Variants in KLF13 observed in about 807,000 individuals in gnomAD.
KLF13 encodes KLF transcription factor 13, also known as Krueppel-like factor 13.
In KLF13, 8 loss-of-function variants were observed where a neutral mutation model predicts 16.7. The ratio of observed to expected loss-of-function variants is 0.48; its 90% confidence interval spans 0.28 to 0.87. The LOEUF (loss-of-function observed/expected upper bound fraction) is 0.87. Ranked by LOEUF, KLF13 falls within the 40% of genes least tolerant of loss-of-function variation. The probability of loss-of-function intolerance (pLI) is 0.10; values close to 1 mark genes in which losing one functional copy is unlikely to be tolerated. For missense variants in KLF13, 447 were observed against 452.2 expected (o/e 0.99, Z 0.10); for synonymous variants, 245 against 208.4 (o/e 1.18, Z -1.51).
chr15:31,340,888 C>T (rs1488960805), intron 1 of KLF13, among the ~76,000 whole-genome samples: 2 of 152,140 alleles, frequency 1.3e-5, no homozygotes, highest in Non-Finnish European at 2.9e-5. Flanking sequence ...AGAAAAAAAT[C>T]TCAAGTCAAA....
chr15:31,365,948 A>T (rs1349768215), intron 1 of KLF13, among the ~76,000 whole-genome samples: 1 of 128,840 alleles, frequency 7.8e-6, no homozygotes, highest in Non-Finnish European at 1.6e-5. Context: ...CGGCTTGGGC[A>T]AGAGCAGCAT....
At chr15:31,361,441 C>T (rs2039382685) in intron 1 of KLF13, among the ~76,000 whole-genome samples, 1 of 152,110 alleles carries the variant, frequency 6.6e-6, no homozygotes, top group African/African-American at 2.4e-5. Context: ...CAGTGCAGGC[C>T]AAAAGTAAAA....
intron 1 of KLF13, chr15:31,420,648 C>A: frequency 2.6e-6 from 1 of 385,678 alleles, no homozygotes; most frequent in South Asian, 2.2e-5. Flanking sequence ...AGGTTACCAG[C>A]CAGGACCCCT....
At position 31,375,023 on chromosome 15, in the gene KLF13, A is replaced by C. The variant is rs529249677; in HGVS notation, c.*2724A>C. ...ATTTTTGGCATAAGAGCGTGTCTTC[A>C]TTCCCAAAGTGGTTCTCGTTTAATG... On this transcript the variant is annotated 3_prime_UTR_variant, in exon 2 of 2. Transcript: ENST00000307145. The C allele has an allele frequency of 6.5e-6, 1 of 152,750 alleles. No homozygotes were observed. Among genetic ancestry groups the C allele is most frequent in the African/African-American group, 2.4e-5 (1 of 41,564 alleles). 9.5% of individuals were successfully genotyped at this position (152,750 alleles called of 1,614,324 possible).
Position 31,327,450 on chromosome 15 carries a change from C to G in KLF13, c.238C>G (p.Pro80Ala). 1 of 1,240,838 alleles carries G rather than the reference C, an allele frequency of 8.1e-7. No individual in the cohort carries two copies. The highest frequency in any genetic ancestry group is 2.7e-5 in the South Asian group (1 of 37,368). 76.9% of individuals were successfully genotyped at this position (1,240,838 alleles called of 1,614,324 possible). A position where few individuals can be genotyped will look rare whatever the true frequency, so the allele number is the denominator to read the frequency against. ...DLNQQAPAPAPAERREGAAAR... is the reference protein window; with the variant it reads ...DLNQQAPAPAAAERREGAAAR... Reference sequence around the variant, plus strand: ...CAACCAGCAAGCGCCGGCGCCCGCCCCGGCGGAGCGCAGGGAGGGCGCCGC... The same window carrying G: ...CAACCAGCAAGCGCCGGCGCCCGCCGCGGCGGAGCGCAGGGAGGGCGCCGC... The change falls in exon 1 of 2, where the codon CCG (proline) becomes GCG (alanine). Residue 80 changes from proline (P) to alanine (A), a missense_variant. Transcript: ENST00000307145.
chr15:31,413,204 A>T (rs1177143936), intron 1 of KLF13, among the ~76,000 whole-genome samples: 1 of 125,582 alleles, frequency 8.0e-6, no homozygotes, highest in Non-Finnish European at 1.8e-5. Flanking sequence ...AAAAAAAAAC[A>T]AAAAACAAAA....
At position 31,385,693 on chromosome 15, in the gene KLF13, A is replaced by C. The variant is rs374910535; in HGVS notation, n.224-49677A>C. ...TAAATGTGTGTGTTCTCACTGCTCC[A>C]CCAACCTGCCTTTCCCTGTCTTTCT... On this transcript the variant is annotated intron_variant and non_coding_transcript_variant, in intron 1 of 1. Transcript: ENST00000558921. Among the ~76,000 whole-genome samples, 31 of 152,324 alleles carry C rather than the reference A, an allele frequency of 2.0e-4. No individual in the cohort carries two copies. The East Asian group carries it at 5.8e-3, about 28-fold the overall frequency.
chr15:31,334,743 A>G (rs975042269), intron 1 of KLF13, among the ~76,000 whole-genome samples: 10 of 151,690 alleles, frequency 6.6e-5, no homozygotes, highest in African/African-American at 2.4e-4. Flanking sequence ...TTTCCTTTCA[A>G]AGCCCCAAAT....
intron 1 of KLF13, among the ~76,000 whole-genome samples, chr15:31,421,063 A>G (rs902322107): frequency 3.3e-5 from 5 of 152,126 alleles, no homozygotes; most frequent in African/African-American, 9.7e-5. Context: ...ATTTCTGTAT[A>G]GGACTCTGTA....
Position 31,345,939 on chromosome 15 carries a change from GC to G in KLF13, c.577+18151del, listed in dbSNP as rs1481129868. On this transcript the variant is annotated intron_variant, in intron 1 of 1. Transcript: ENST00000307145. ...GTTTCCCGGAGGGTTCCGTTTGTAG[GC>G]ACTGATGGGGGTTCTGGTTCTAGAG... is the stretch of plus-strand genomic sequence containing the variant. Among the ~76,000 whole-genome samples, 10 of 152,238 alleles carry G rather than the reference GC, an allele frequency of 6.6e-5. 1 individual carries two copies. Among genetic ancestry groups the G allele is most frequent in the Middle Eastern group, 6.8e-3 (2 of 294 alleles).
Position 31,377,819 on chromosome 15 carries a change from T to C in KLF13, c.*5520T>C, listed in dbSNP as rs2140972895. 1 of 152,752 alleles carries C rather than the reference T, an allele frequency of 6.5e-6. No individual in the cohort carries two copies. Among genetic ancestry groups the C allele is most frequent in the Non-Finnish European group, 1.5e-5 (1 of 68,030 alleles). The allele number at this position is 152,752 out of a possible 1,614,324, so 9.5% of individuals were successfully genotyped here. A position where few individuals can be genotyped will look rare whatever the true frequency, so the allele number is the denominator to read the frequency against. On this transcript the variant is annotated 3_prime_UTR_variant, in exon 2 of 2. Coordinates refer to ENST00000307145, the MANE Select transcript of KLF13 (RefSeq NM_015995.4). Reference sequence around the variant, plus strand: ...TATGCAAAAAGAAAAATTAACGAAATTGTAAATTTTATTGTTTTAACGTGT... The same window carrying C: ...TATGCAAAAAGAAAAATTAACGAAACTGTAAATTTTATTGTTTTAACGTGT...
At chr15:31,370,116 T>C (rs549456930) in intron 1 of KLF13, among the ~76,000 whole-genome samples, 3 of 151,200 alleles carry the variant, frequency 2.0e-5, no homozygotes, top group East Asian at 3.9e-4. Context: ...TTCTTCTCCA[T>C]GTTTTCTGTT....
chr15:31,428,053 T>C (rs957816733), intron 1 of KLF13, among the ~76,000 whole-genome samples: 1 of 152,196 alleles, frequency 6.6e-6, no homozygotes, highest in African/African-American at 2.4e-5. Flanking sequence ...AGACATGTTG[T>C]CTTATACTAC....
intron 1 of KLF13, among the ~76,000 whole-genome samples, chr15:31,415,094 C>T (rs2040239625): frequency 1.3e-5 from 2 of 152,128 alleles, no homozygotes; most frequent in African/African-American, 4.8e-5. Flanking sequence ...TCTGTTGCTT[C>T]CATTCTCTTG....
chr15:31,347,393 G>A (rs932376600), intron 1 of KLF13, among the ~76,000 whole-genome samples: 4 of 152,156 alleles, frequency 2.6e-5, no homozygotes, highest in Admixed American at 1.3e-4. Context: ...TGGAGGCAGG[G>A]AAGAGCTACC....
chr15:31,354,189 A>G (rs559074107), intron 1 of KLF13, among the ~76,000 whole-genome samples: 1 of 152,050 alleles, frequency 6.6e-6, no homozygotes, highest in East Asian at 2.0e-4. Context: ...ACATCAGCCC[A>G]GGCCTGCAGG....
At chr15:31,428,252 A>G (rs1279652677) in intron 1 of KLF13, among the ~76,000 whole-genome samples, 1 of 152,168 alleles carries the variant, frequency 6.6e-6, no homozygotes, top group African/African-American at 2.4e-5. Context: ...ATAGAGCTGC[A>G]GTTTGCAAGA....
chr15:31,366,451 G>A (rs75851799), intron 1 of KLF13: 1 of 152,428 alleles, frequency 6.6e-6, no homozygotes, highest in East Asian at 1.9e-4. Context: ...GGGAGCTGGA[G>A]TGACTCTGAG....
At chr15:31,387,334 C>A (rs1170547376) in intron 1 of KLF13, among the ~76,000 whole-genome samples, 1 of 152,228 alleles carries the variant, frequency 6.6e-6, no homozygotes, top group Non-Finnish European at 1.5e-5. Context: ...CAACCATCAA[C>A]ATTGAATCAA....
Sources: gnomAD v4.1 joint callset for allele counts (sites outside exome capture counted in the v4.1 genomes callset) on GRCh38, gnomAD v4.1.1 for gene constraint, MANE v1.5 for transcripts, NCBI Gene and HGNC (gene_info 2026-07-23, HGNC 2026-07-21) for gene names.